The following NOX4 variants were observed in gnomAD, a reference collection of about 807,000 sequenced individuals.
NOX4 encodes NADPH oxidase 4.
Under a neutral mutation model 87.6 loss-of-function variants are expected in NOX4, and 69 were observed. The ratio of observed to expected loss-of-function variants is 0.79; its 90% CI spans 0.65 to 0.96. NOX4 has a LOEUF of 0.96. Among genes scored for constraint, NOX4 ranks in the 40% least tolerant of loss-of-function variants. The pLI, the probability that NOX4 is intolerant of heterozygous loss-of-function variation, is 0.00. For missense variants in NOX4, 680 were observed against 681.5 expected, an observed-to-expected ratio of 1.00 and a Z score of 0.02; for synonymous variants, 275 against 238.2, an observed-to-expected ratio of 1.15 and a Z score of -1.42.
chr11:89,358,294 G>C (rs977525743), intron 12 of NOX4, among the ~76,000 whole-genome samples: 1 of 150,180 alleles, frequency 6.7e-6, no homozygotes, highest in African/African-American at 2.5e-5. Flanking sequence ...GCTGAGGCAG[G>C]AGAATCACTT....
the NOX4 span, among the ~76,000 whole-genome samples, chr11:89,565,446 C>T: frequency 1.3e-5 from 2 of 152,084 alleles, no homozygotes; most frequent in African/African-American, 4.8e-5. Flanking sequence ...AGCTAATGAG[C>T]ATTTTATTGC....
the NOX4 span, among the ~76,000 whole-genome samples, chr11:89,563,065 TGTAAGTTTCCTGA>T: frequency 6.6e-6 from 1 of 152,160 alleles, no homozygotes; most frequent in Non-Finnish European, 1.5e-5. Flanking sequence ...CTGCCATGAT[TGTAAGTTTCCTGA>T]GGCCTCTCCA....
At chr11:89,382,265 G>C (rs142774334) in intron 11 of NOX4, among the ~76,000 whole-genome samples, 2,286 of 151,990 alleles carry the variant, frequency 0.015, 61 homozygotes, top group African/African-American at 0.051. Context: ...CCCTTGGCCT[G>C]TGTTCCAAGA....
At chr11:89,442,305 G>A (rs1375512389) in intron 5 of NOX4, among the ~76,000 whole-genome samples, 1 of 151,740 alleles carries the variant, frequency 6.6e-6, no homozygotes, top group Admixed American at 6.6e-5. Flanking sequence ...AGTTAGAAGT[G>A]TGAAAACAGG....
At chr11:89,391,765 G>GA (rs994923987) in intron 11 of NOX4, among the ~76,000 whole-genome samples, 2 of 142,894 alleles carry the variant, frequency 1.4e-5, no homozygotes, top group East Asian at 2.1e-4. Flanking sequence ...AAGAAAGAAA[G>GA]AAAAAAAATT....
chr11:89,398,623 G>T (rs1330748571), intron 11 of NOX4, among the ~76,000 whole-genome samples: 1 of 150,364 alleles, frequency 6.7e-6, no homozygotes, highest in Non-Finnish European at 1.5e-5. Flanking sequence ...TATAGATGCA[G>T]ACAGATGGGA....
In NOX4 at chr11:89,326,777, G is replaced by A. The variant is rs149331478; in HGVS notation, c.1716C>T (p.Tyr572=). The change falls in exon 18 of 18, where the codon TAC becomes TAT. Residue 572 remains tyrosine, a synonymous_variant. Coordinates refer to ENST00000263317, the MANE Select transcript of NOX4 (RefSeq NM_016931.5). ...QNNSYGTRFE[Y]NKESFS ...GTTTTCAGCTGAAAGACTCTTTATTGTATTCAAATCTTGTCCCATATGAGT... is the reference window on the plus strand; with the variant it reads ...GTTTTCAGCTGAAAGACTCTTTATTATATTCAAATCTTGTCCCATATGAGT... 126 of 1,613,046 alleles carry A rather than the reference G, an allele frequency of 7.8e-5. No individual in the cohort carries two copies. In the African/African-American group the frequency reaches 1.4e-3, roughly 18 times the overall value.
At chr11:89,575,816 T>A in the NOX4 span, among the ~76,000 whole-genome samples, 1 of 152,192 alleles carries the variant, frequency 6.6e-6, no homozygotes, top group Admixed American at 6.5e-5. Context: ...TTCCTTTTAA[T>A]AACTTTAAGC....
intron 2 of NOX4, among the ~76,000 whole-genome samples, chr11:89,470,905 G>T (rs1256994452): frequency 1.2e-4 from 18 of 152,110 alleles, no homozygotes; most frequent in Admixed American, 1.2e-3. Context: ...CAGATCCACA[G>T]CTCAGACTGC....
At chr11:89,432,678 T>G (rs1443586389) in intron 7 of NOX4, 106 bp downstream of exon 7, 2 of 756,550 alleles carry the variant, frequency 2.6e-6, no homozygotes, top group African/African-American at 1.7e-5. Flanking sequence ...TTACCCAGAA[T>G]AGTCCATTAA....
At chr11:89,359,566 A>G (rs1180705873) in intron 12 of NOX4, among the ~76,000 whole-genome samples, 1 of 152,064 alleles carries the variant, frequency 6.6e-6, no homozygotes, top group Non-Finnish European at 1.5e-5. Flanking sequence ...AGTAACAATG[A>G]TTAATGCTAT....
the NOX4 span, among the ~76,000 whole-genome samples, chr11:89,511,615 C>A: frequency 6.6e-6 from 1 of 152,024 alleles, no homozygotes; most frequent in Non-Finnish European, 1.5e-5. Flanking sequence ...AATATCTGTG[C>A]GTCAGAAATA....
the NOX4 span, among the ~76,000 whole-genome samples, chr11:89,556,479 C>T: frequency 6.7e-6 from 1 of 149,650 alleles, no homozygotes; most frequent in South Asian, 2.1e-4. Context: ...ACTGAGATCA[C>T]ACCACTTCAT....
At chr11:89,560,230 G>A in the NOX4 span, among the ~76,000 whole-genome samples, 1 of 152,224 alleles carries the variant, frequency 6.6e-6, no homozygotes, top group Middle Eastern at 3.4e-3. Flanking sequence ...TGTAACCCAA[G>A]GAATGCCAAG....
chr11:89,532,588 G>T, the NOX4 span, among the ~76,000 whole-genome samples: 1 of 152,246 alleles, frequency 6.6e-6, no homozygotes, highest in African/African-American at 2.4e-5. Flanking sequence ...TGAGACTTTG[G>T]ACTTGGACTT....
At chr11:89,549,042 A>C in the NOX4 span, among the ~76,000 whole-genome samples, 1 of 152,228 alleles carries the variant, frequency 6.6e-6, no homozygotes, top group African/African-American at 2.4e-5. Flanking sequence ...AATGTTTCAA[A>C]AGCAATAAAA....
the NOX4 span, among the ~76,000 whole-genome samples, chr11:89,561,983 G>C: frequency 1.3e-5 from 2 of 152,074 alleles, no homozygotes; most frequent in Non-Finnish European, 2.9e-5. Context: ...CAGGGAAAGG[G>C]AACAGCAAGT....
Position 89,491,199 on chromosome 11 carries a change from G to T in NOX4, c.48C>A (p.His16Gln), listed in dbSNP as rs1420442863. The T allele has an allele frequency of 6.2e-7, 1 of 1,613,878 alleles. No individual in the cohort carries two copies. The highest frequency in any genetic ancestry group is 8.5e-7 in the Non-Finnish European group (1 of 1,179,876). Reference sequence around the variant, plus strand: ...TAGCCCGCCATCCTACCAGGCAGAGGTGTTTAACCCCTTCGTTGGCGAGCC... The same window carrying T: ...TAGCCCGCCATCCTACCAGGCAGAGTTGTTTAACCCCTTCGTTGGCGAGCC... ...RSWLANEGVK[H>Q]LCLFIWLSMN... The change falls in exon 1 of 18, where the codon CAC becomes CAA. Residue 16 changes from histidine to glutamine, a missense_variant. Physicochemically the swap from His to Gln is conservative, Grantham distance 24. Coordinates refer to ENST00000263317, the MANE Select transcript of NOX4 (RefSeq NM_016931.5).
the NOX4 span, among the ~76,000 whole-genome samples, chr11:89,576,474 C>T: frequency 2.6e-5 from 4 of 152,132 alleles, no homozygotes; most frequent in Non-Finnish European, 5.9e-5. Flanking sequence ...GATAAAAAAG[C>T]TATATTTTAA....
Sources: gnomAD v4.1 joint callset for allele counts (sites outside exome capture counted in the v4.1 genomes callset) on GRCh38, gnomAD v4.1.1 for gene constraint, MANE v1.5 for transcripts, NCBI Gene and HGNC (gene_info 2026-07-23, HGNC 2026-07-21) for gene names.